Variants in ARHGAP28 observed in about 807,000 individuals in gnomAD.
The protein encoded by ARHGAP28 is Rho GTPase activating protein 28.
Under a neutral mutation model 90.7 loss-of-function variants are expected in ARHGAP28, and 56 were observed. The ratio of observed to expected loss-of-function variants is 0.62; its 90% CI spans 0.50 to 0.77. The LOEUF (loss-of-function observed/expected upper bound fraction) is 0.77. ARHGAP28 is among the 30% of genes least tolerant of loss of function. The probability of loss-of-function intolerance (pLI) is 0.00; values close to 1 mark genes in which losing one functional copy is unlikely to be tolerated. For synonymous variants in ARHGAP28, 308 were observed against 323.3 expected (o/e 0.95, Z 0.51); for missense variants, 869 against 900.9 (o/e 0.96, Z 0.45).
In ARHGAP28 at chr18:6,915,587, C is replaced by T. The variant is rs111532284; in HGVS notation, c.*3433C>T. The T allele has an allele frequency of 1.2e-3, 189 of 152,204 alleles. 2 individuals carry two copies. Among genetic ancestry groups the T allele is most frequent in the African/African-American group, 4.1e-3 (170 of 41,524 alleles). 9.4% of individuals were successfully genotyped at this position (152,204 alleles called of 1,614,324 possible). A position where few individuals can be genotyped will look rare whatever the true frequency, so the allele number is the denominator to read the frequency against. ...TTTGACAAATCATGACACTAGAAAA[C>T]GCCAATGTTTTATGTCTTTGCCCAT... On this transcript the variant is annotated 3_prime_UTR_variant, in exon 18 of 18. Coordinates refer to ENST00000383472, the MANE Select transcript of ARHGAP28 (RefSeq NM_001366230.1).
chr18:6,888,801 T>A (rs1307722083), intron 12 of ARHGAP28, among the ~76,000 whole-genome samples: 1 of 152,122 alleles, frequency 6.6e-6, no homozygotes, highest in African/African-American at 2.4e-5. Context: ...ACACATGCAC[T>A]GTCTCTCTCT....
intron 14 of ARHGAP28, among the ~76,000 whole-genome samples, chr18:6,891,499 A>T (rs888412899): frequency 6.6e-6 from 1 of 151,816 alleles, no homozygotes; most frequent in Non-Finnish European, 1.5e-5. Context: ...GGCCAGGCTG[A>T]TCTTGAACTC....
In ARHGAP28 at chr18:6,792,709, G is replaced by A. The variant is rs565959046; in HGVS notation, c.123-32053G>A. ...AAATCGGGGAAAATAACATAATGGC[G>A]CAGTAATCGTGACCTCTGTGGAACT... On this transcript the variant is annotated intron_variant, in intron 1 of 17. Transcript: ENST00000383472. 6.6e-5 allele frequency among the ~76,000 whole-genome samples: 10 copies of A among 152,278 alleles called. No homozygotes were observed. In the South Asian group the frequency reaches 8.3e-4, roughly 13 times the overall value.
At chr18:6,761,386 G>C (rs2056158867) in intron 1 of ARHGAP28, among the ~76,000 whole-genome samples, 1 of 152,164 alleles carries the variant, frequency 6.6e-6, no homozygotes, top group African/African-American at 2.4e-5. Flanking sequence ...TCCTCAGCTT[G>C]GGTCTTGGAT....
intron 4 of ARHGAP28, among the ~76,000 whole-genome samples, chr18:6,858,202 T>A (rs746553648): frequency 1.8e-4 from 28 of 152,194 alleles, no homozygotes; most frequent in Admixed American, 3.3e-4. Flanking sequence ...TCTACATATT[T>A]ACGGCAAGAG....
intron 3 of ARHGAP28, among the ~76,000 whole-genome samples, chr18:6,841,216 TCTCTCTCCC>T (rs2056823660): frequency 2.6e-5 from 3 of 114,272 alleles, no homozygotes; most frequent in Admixed American, 9.2e-5. Flanking sequence ...CTCCTCTCTC[TCTCTCTCCC>T]CCCAACCCGC....
Position 6,897,870 on chromosome 18 carries a change from C to G in ARHGAP28, c.2030+1244C>G, listed in dbSNP as rs1216917425. The G allele has an allele frequency of 2.6e-5, 4 of 151,108 alleles. No individual in the cohort carries two copies. The East Asian group carries it at 7.7e-4, about 29-fold the overall frequency. 9.4% of individuals were successfully genotyped at this position (151,108 alleles called of 1,614,324 possible). ...TGACTGTGGTGATGGATAACTGACC[C>G]TCTATAAAATTCTACTGAAATTAAT... On this transcript the variant is annotated intron_variant, in intron 16 of 17. Transcript: ENST00000383472.
At chr18:6,834,255 G>A (rs2056736195) in intron 2 of ARHGAP28, among the ~76,000 whole-genome samples, 1 of 151,996 alleles carries the variant, frequency 6.6e-6, no homozygotes, top group East Asian at 1.9e-4. Context: ...ATTTGGAGGA[G>A]AAAATTACTT....
chr18:6,841,592 A>G (rs1022638202), intron 3 of ARHGAP28, among the ~76,000 whole-genome samples: 6 of 151,942 alleles, frequency 3.9e-5, no homozygotes, highest in African/African-American at 1.4e-4. Flanking sequence ...TTCTTCTCTT[A>G]ATTTTTTTTT....
intron 1 of ARHGAP28, among the ~76,000 whole-genome samples, chr18:6,748,277 T>C (rs1171373979): frequency 1.3e-5 from 2 of 152,210 alleles, no homozygotes; most frequent in African/African-American, 4.8e-5. Flanking sequence ...AACTTTTACA[T>C]CCAGGGTATC....
chr18:6,731,185 G>A (rs1354070025), intron 1 of ARHGAP28, among the ~76,000 whole-genome samples: 2 of 152,034 alleles, frequency 1.3e-5, no homozygotes. Flanking sequence ...AAGGCTGCTC[G>A]AAGATATAAA....
In ARHGAP28 at chr18:6,896,488, C is replaced by T; in HGVS notation, c.1906-14C>T. 6.2e-7 allele frequency: 1 copy of T among 1,613,546 alleles called. No homozygotes were observed. The highest frequency in any genetic ancestry group is 8.5e-7 in the Non-Finnish European group (1 of 1,179,658). On this transcript the variant is annotated splice_polypyrimidine_tract_variant and intron_variant, in intron 15 of 17. Coordinates refer to ENST00000383472, the MANE Select transcript of ARHGAP28 (RefSeq NM_001366230.1). ...TAGTTTGACAGACTGTACTGAATTT[C>T]TCCTCCTTGGCAGTCTGACGTGCCG...
chr18:6,884,891 C>T (rs900249983), intron 11 of ARHGAP28, among the ~76,000 whole-genome samples: 8 of 152,150 alleles, frequency 5.3e-5, no homozygotes, highest in African/African-American at 1.9e-4. Flanking sequence ...TAATTTTCAT[C>T]CTCCAAAATA....
At chr18:6,839,299 T>A (rs1161537148) in intron 3 of ARHGAP28, among the ~76,000 whole-genome samples, 2 of 150,394 alleles carry the variant, frequency 1.3e-5, no homozygotes, top group South Asian at 2.1e-4. Context: ...ATAATTTTTT[T>A]TTTTTTTTTT....
chr18:6,824,086 T>C (rs1206219668), intron 1 of ARHGAP28, among the ~76,000 whole-genome samples: 2 of 152,234 alleles, frequency 1.3e-5, no homozygotes, highest in African/African-American at 4.8e-5. Flanking sequence ...GCAACTCTTA[T>C]GTCCTTCTCT....
At chr18:6,890,191 G>C in intron 13 of ARHGAP28, 106 bp downstream of exon 13, 1 of 1,292,828 alleles carries the variant, frequency 7.7e-7, no homozygotes, top group Non-Finnish European at 1.1e-6. Context: ...AGAAATATGA[G>C]AAGATAACCC....
At chr18:6,877,989 T>C (rs2057145691) in intron 10 of ARHGAP28, among the ~76,000 whole-genome samples, 1 of 152,090 alleles carries the variant, frequency 6.6e-6, no homozygotes, top group Non-Finnish European at 1.5e-5. Context: ...TGTGTGTGTG[T>C]ATGTATGTGC....
At chr18:6,894,416 G>A (rs2057290031) in intron 14 of ARHGAP28, among the ~76,000 whole-genome samples, 1 of 152,128 alleles carries the variant, frequency 6.6e-6, no homozygotes, top group African/African-American at 2.4e-5. Context: ...CATGAATGTA[G>A]CATACAGGAA....
At chr18:6,859,332 T>C (rs1439645188) in intron 4 of ARHGAP28, among the ~76,000 whole-genome samples, 1 of 152,190 alleles carries the variant, frequency 6.6e-6, no homozygotes, top group Non-Finnish European at 1.5e-5. Context: ...TGACTTCTTC[T>C]TGGTGCCCAT....
Sources: gnomAD v4.1 joint callset for allele counts (sites outside exome capture counted in the v4.1 genomes callset) on GRCh38, gnomAD v4.1.1 for gene constraint, MANE v1.5 for transcripts, NCBI Gene and HGNC (gene_info 2026-07-23, HGNC 2026-07-21) for gene names.